MEIS1: variants seen among roughly 807,000 people sequenced by gnomAD.
MEIS1 encodes the protein Meis homeobox 1, also known as homeobox protein Meis1.
A neutral mutation model predicts 50.8 loss-of-function variants in MEIS1; 5 were observed. That is an observed-to-expected ratio of 0.10 (90% CI 0.05 to 0.21). The LOEUF is 0.21. MEIS1 is among the 10% of genes least tolerant of loss of function. MEIS1 has a pLI of 1.00. For synonymous variants in MEIS1, 176 were observed against 179.3 expected (o/e 0.98, Z 0.15); for missense variants, 318 against 517.3 (o/e 0.61, Z 3.74).
intron 7 of MEIS1, among the ~76,000 whole-genome samples, chr2:66,480,520 A>G (rs959375830): frequency 4.6e-5 from 7 of 152,220 alleles, no homozygotes; most frequent in Admixed American, 2.6e-4. Context: ...TGCCCTTTTA[A>G]GTAGTCACTA....
chr2:66,464,139 G>A lies in MEIS1; in HGVS notation c.661G>A (p.Ala221Thr). ...TTGGAACAGAGATCATGATGACACG[G>A]CATCTACTCGTTCAGGAGGAACCCC... ...PSWNRDHDDT[A>T]STRSGGTPGP... The change falls in exon 7 of 13, where the codon GCA becomes ACA. Residue 221 changes from alanine to threonine, a missense_variant. Physicochemically the swap from Ala to Thr is moderately conservative, Grantham distance 58. This residue lies in a region of MEIS1 where 48 missense variants were observed against 50.9 expected (regional missense o/e 0.94). Coordinates refer to ENST00000272369, the MANE Select transcript of MEIS1 (RefSeq NM_002398.3). 12 of 1,603,622 alleles carry A rather than the reference G, an allele frequency of 7.5e-6. No individual in the cohort carries two copies. Among genetic ancestry groups the A allele is most frequent in the South Asian group, 1.1e-5 (1 of 88,414 alleles).
At chr2:66,488,438 G>A (rs1473934951) in intron 7 of MEIS1, among the ~76,000 whole-genome samples, 1 of 152,148 alleles carries the variant, frequency 6.6e-6, no homozygotes, top group Non-Finnish European at 1.5e-5. Flanking sequence ...CAGCACTTTG[G>A]GAGGCTGAGG....
intron 6 of MEIS1, among the ~76,000 whole-genome samples, chr2:66,454,557 A>G (rs1672344675): frequency 6.6e-6 from 1 of 152,058 alleles, no homozygotes; most frequent in Non-Finnish European, 1.5e-5. Context: ...GGATGTTATT[A>G]TCTACTTTTA....
intron 6 of MEIS1, among the ~76,000 whole-genome samples, chr2:66,458,938 T>C (rs1197307365): frequency 6.6e-6 from 1 of 152,214 alleles, no homozygotes; most frequent in Non-Finnish European, 1.5e-5. Flanking sequence ...TAATATAATA[T>C]CAACATTTTC....
chr2:66,565,290 C>A (rs1327555148), intron 9 of MEIS1, among the ~76,000 whole-genome samples: 1 of 152,166 alleles, frequency 6.6e-6, no homozygotes, highest in Admixed American at 6.5e-5. Flanking sequence ...CACTCTCTCT[C>A]TCTCTCTTTG....
At chr2:66,440,214 T>C (rs1671934136) in intron 3 of MEIS1, 1 of 600,354 alleles carries the variant, frequency 1.7e-6, no homozygotes, top group Non-Finnish European at 2.9e-6. Flanking sequence ...CCCATCTGCA[T>C]CCCCACTCAC....
At chr2:66,466,269 T>G (rs1163932777) in intron 7 of MEIS1, among the ~76,000 whole-genome samples, 1 of 152,190 alleles carries the variant, frequency 6.6e-6, no homozygotes, top group African/African-American at 2.4e-5. Context: ...TCCTCATCTC[T>G]CTACTAAAAA....
chr2:66,554,182 G>A (rs1307888064), intron 9 of MEIS1, among the ~76,000 whole-genome samples: 1 of 152,156 alleles, frequency 6.6e-6, no homozygotes, highest in African/African-American at 2.4e-5. Flanking sequence ...TACCCAGCAG[G>A]GACCCAATGT....
chr2:66,448,616 C>T (rs1244412089), intron 6 of MEIS1, among the ~76,000 whole-genome samples: 1 of 152,094 alleles, frequency 6.6e-6, no homozygotes, highest in South Asian at 2.1e-4. Flanking sequence ...TTATGCTTTC[C>T]ATTGCAACAA....
intron 6 of MEIS1, among the ~76,000 whole-genome samples, chr2:66,444,989 G>T (rs572505561): frequency 6.6e-6 from 1 of 152,258 alleles, no homozygotes; most frequent in South Asian, 2.1e-4. Context: ...ATTTTTTGGA[G>T]GGGGGAGAGA....
Position 66,571,545 on chromosome 2 carries a change from A to G in MEIS1, c.*337A>G. 1 of 1,553,728 alleles carries G rather than the reference A, an allele frequency of 6.4e-7. No individual in the cohort carries two copies. The highest frequency in any genetic ancestry group is 8.7e-7 in the Non-Finnish European group (1 of 1,149,022). On this transcript the variant is annotated 3_prime_UTR_variant, in exon 13 of 13. Coordinates refer to ENST00000272369, the MANE Select transcript of MEIS1 (RefSeq NM_002398.3). ...TGCTCAGTAGCTTAAGGGAATATGC[A>G]TTGTCTGCAATGGTGACTGATTTCA...
At chr2:66,571,142 A>C in intron 12 of MEIS1, 104 bp from the exon 13 acceptor site, 1 of 1,136,434 alleles carries the variant, frequency 8.8e-7, no homozygotes. Flanking sequence ...ATGTTCCCTT[A>C]ATCACAGGGT....
At chr2:66,449,433 A>G (rs1672229837) in intron 6 of MEIS1, among the ~76,000 whole-genome samples, 1 of 152,158 alleles carries the variant, frequency 6.6e-6, no homozygotes, top group Non-Finnish European at 1.5e-5. Context: ...GTTCAAGCAA[A>G]TGAGTGTGTC....
At chr2:66,526,330 A>G (rs1379224573) in intron 8 of MEIS1, among the ~76,000 whole-genome samples, 1 of 152,234 alleles carries the variant, frequency 6.6e-6, no homozygotes, top group African/African-American at 2.4e-5. Context: ...AAGGAATCCA[A>G]AAGCCATTAG....
chr2:66,538,887 T>G (rs116032201), intron 8 of MEIS1, among the ~76,000 whole-genome samples: 3,037 of 151,866 alleles, frequency 0.02, 48 homozygotes, highest in Non-Finnish European at 0.031. Flanking sequence ...GTTTTTTTTT[T>G]TTTTTTGTTT....
chr2:66,566,589 G>A (rs1675352207), intron 9 of MEIS1, among the ~76,000 whole-genome samples: 1 of 53,944 alleles, frequency 1.9e-5, no homozygotes, highest in Non-Finnish European at 4.9e-5. Flanking sequence ...TATGACTCTG[G>A]AGAGCGTATA....
intron 2 of MEIS1, 111 bp from the exon 3 acceptor site, chr2:66,439,732 C>T (rs1671904433): frequency 5.7e-6 from 9 of 1,585,152 alleles, no homozygotes; most frequent in South Asian, 1.1e-5. Flanking sequence ...ATGACACAAT[C>T]GGAGAGGGGG....
intron 6 of MEIS1, among the ~76,000 whole-genome samples, chr2:66,457,629 C>T (rs955242395): frequency 1.1e-4 from 17 of 152,100 alleles, no homozygotes; most frequent in South Asian, 6.2e-4. Flanking sequence ...TTAAGGATCC[C>T]GAAAAACACT....
chr2:66,481,583 G>A (rs913375096), intron 7 of MEIS1, among the ~76,000 whole-genome samples: 6 of 152,154 alleles, frequency 3.9e-5, no homozygotes, highest in Admixed American at 2.6e-4. Flanking sequence ...AAGAGTTGGG[G>A]CCTGTTGGCT....
Sources: allele counts gnomAD v4.1 joint callset (sites outside exome capture counted in the v4.1 genomes callset), GRCh38; gene constraint gnomAD v4.1.1; regional missense constraint gnomAD v4.1.1; transcripts MANE v1.5; gene names NCBI Gene and HGNC (gene_info 2026-07-23, HGNC 2026-07-21).